The following ERC2 variants were observed in gnomAD, a reference collection of about 807,000 sequenced individuals.
ERC2 encodes the protein ELKS/RAB6-interacting/CAST family member 2.
A neutral mutation model predicts 114.8 loss-of-function variants in ERC2; 42 were observed. The observed-to-expected ratio is 0.37, with a 90% CI of 0.29 to 0.47. The LOEUF is 0.47. Among genes scored for constraint, ERC2 ranks in the 20% least tolerant of loss-of-function variants. The pLI, the probability that ERC2 is intolerant of heterozygous loss-of-function variation, is 0.99. For synonymous variants in ERC2, 454 were observed against 425.5 expected (o/e 1.07, Z -0.82); for missense variants, 939 against 1,150.7 (o/e 0.82, Z 2.66).
At chr3:56,439,017 C>G (rs2062160260) in intron 1 of ERC2, among the ~76,000 whole-genome samples, 1 of 152,166 alleles carries the variant, frequency 6.6e-6, no homozygotes, top group Non-Finnish European at 1.5e-5. Flanking sequence ...TTCTCCTTTT[C>G]TAGGTTTAAT....
chr3:56,024,863 G>C (rs1201403217), intron 7 of ERC2, among the ~76,000 whole-genome samples: 1 of 152,126 alleles, frequency 6.6e-6, no homozygotes, highest in Non-Finnish European at 1.5e-5. Flanking sequence ...TCCAAATATG[G>C]TCCCGGCAAC....
chr3:56,286,481 A>T (rs1465246305), intron 3 of ERC2, among the ~76,000 whole-genome samples: 1 of 151,784 alleles, frequency 6.6e-6, no homozygotes. Context: ...AACCAACCTC[A>T]AAAGCTATAT....
chr3:55,583,518 TCCCTC>T (rs1559693181), intron 17 of ERC2, among the ~76,000 whole-genome samples: 3 of 51,302 alleles, frequency 5.8e-5, no homozygotes, highest in South Asian at 1.5e-3. Flanking sequence ...CCTCCCTCCC[TCCCTC>T]CCTTCCTTCC....
chr3:56,122,957 C>G (rs146667632), intron 6 of ERC2, among the ~76,000 whole-genome samples: 1 of 152,148 alleles, frequency 6.6e-6, no homozygotes, highest in East Asian at 1.9e-4. Flanking sequence ...CTTCATACCG[C>G]AAGTTCAACC....
intron 7 of ERC2, among the ~76,000 whole-genome samples, chr3:56,022,022 G>A (rs188999393): frequency 1.7e-3 from 261 of 152,250 alleles, no homozygotes; most frequent in African/African-American, 5.8e-3. Flanking sequence ...GAACAGTGCT[G>A]CAACGAACAT....
chr3:55,995,848 T>C (rs1424830213), intron 10 of ERC2, among the ~76,000 whole-genome samples: 1 of 152,232 alleles, frequency 6.6e-6, no homozygotes, highest in Non-Finnish European at 1.5e-5. Context: ...GTGGAGGAAA[T>C]TGAGCTTATT....
intron 17 of ERC2, among the ~76,000 whole-genome samples, chr3:55,519,061 G>A (rs927677184): frequency 6.6e-6 from 1 of 152,188 alleles, no homozygotes; most frequent in Non-Finnish European, 1.5e-5. Context: ...TGGAAAGAGG[G>A]GGATGTCCGA....
chr3:55,555,149 C>T (rs931733276), intron 17 of ERC2, among the ~76,000 whole-genome samples: 1 of 152,036 alleles, frequency 6.6e-6, no homozygotes, highest in African/African-American at 2.4e-5. Flanking sequence ...GCTAAAAGGA[C>T]CATAAAGGGC....
At chr3:56,401,679 G>A (rs2060524606) in intron 2 of ERC2, among the ~76,000 whole-genome samples, 1 of 152,124 alleles carries the variant, frequency 6.6e-6, no homozygotes, top group Non-Finnish European at 1.5e-5. Flanking sequence ...TAGCTGCTGG[G>A]CAAAGGTGAT....
chr3:55,983,999 A>G (rs1237231909), intron 12 of ERC2, among the ~76,000 whole-genome samples: 2 of 152,228 alleles, frequency 1.3e-5, no homozygotes, highest in Non-Finnish European at 2.9e-5. Context: ...TTTTGTTTCC[A>G]AGAGGGCAGA....
intron 3 of ERC2, among the ~76,000 whole-genome samples, chr3:56,262,165 T>C (rs1375165120): frequency 6.6e-6 from 1 of 152,226 alleles, no homozygotes; most frequent in Non-Finnish European, 1.5e-5. Flanking sequence ...AATAGTGCTA[T>C]TCTTTGAACT....
chr3:56,123,296 G>A (rs1179075210), intron 6 of ERC2, among the ~76,000 whole-genome samples: 1 of 152,042 alleles, frequency 6.6e-6, no homozygotes, highest in Non-Finnish European at 1.5e-5. Context: ...TCATACTCTT[G>A]CAAAAGAGAC....
chr3:55,684,275 C>T (rs184376957), intron 16 of ERC2, among the ~76,000 whole-genome samples: 189 of 152,116 alleles, frequency 1.2e-3, no homozygotes, highest in Middle Eastern at 3.4e-3. Flanking sequence ...TTCTCTTAAG[C>T]TTAAAGTATC....
At position 55,952,179 on chromosome 3, in the gene ERC2, ACTCTCTCTCT is replaced by A. The variant is rs775838556; in HGVS notation, c.2268-1629_2268-1620del. On this transcript the variant is annotated intron_variant, in intron 12 of 17. Transcript: ENST00000288221. Reference sequence around the variant, plus strand: ...CACACACACACACACACACACACACACTCTCTCTCTCTCTCTCTCTATATATATATATATA... The same window carrying A: ...CACACACACACACACACACACACACACTCTCTCTCTATATATATATATATA... Among the ~76,000 whole-genome samples the A allele has an allele frequency of 7.2e-4, 45 of 62,106 alleles. 3 individuals are homozygous for A. The highest frequency in any genetic ancestry group is 2.1e-3 in the African/African-American group (39 of 18,242). 40.7% of individuals were successfully genotyped at this position (62,106 alleles called of 152,430 possible). A position where few individuals can be genotyped will look rare whatever the true frequency, so the allele number is the denominator to read the frequency against.
chr3:55,732,204 C>T (rs2065292938), intron 15 of ERC2, among the ~76,000 whole-genome samples: 1 of 152,162 alleles, frequency 6.6e-6, no homozygotes, highest in Non-Finnish European at 1.5e-5. Context: ...ACACTGGATA[C>T]AAGACCCAGC....
chr3:55,836,774 A>G (rs2060906550), intron 14 of ERC2, among the ~76,000 whole-genome samples: 1 of 152,198 alleles, frequency 6.6e-6, no homozygotes, highest in Non-Finnish European at 1.5e-5. Flanking sequence ...TAAACTAAAG[A>G]GCTTCTGCAC....
chr3:55,714,693 A>ATGTG (rs1559539200), intron 15 of ERC2, among the ~76,000 whole-genome samples: 9 of 123,596 alleles, frequency 7.3e-5, no homozygotes, highest in African/African-American at 3.0e-4. Context: ...ATATATATAT[A>ATGTG]TATATATATA....
At chr3:55,804,299 C>G (rs1469502138) in intron 14 of ERC2, among the ~76,000 whole-genome samples, 1 of 152,138 alleles carries the variant, frequency 6.6e-6, no homozygotes, top group Non-Finnish European at 1.5e-5. Context: ...TGCATTTACT[C>G]ACAGAGTAAA....
At chr3:56,005,016 A>G (rs1363639997) in intron 10 of ERC2, among the ~76,000 whole-genome samples, 4 of 151,974 alleles carry the variant, frequency 2.6e-5, no homozygotes, top group Non-Finnish European at 5.9e-5. Flanking sequence ...ACTATTTATT[A>G]GCAGAAATTA....
Sources: allele counts gnomAD v4.1 joint callset (sites outside exome capture counted in the v4.1 genomes callset), GRCh38; gene constraint gnomAD v4.1.1; transcripts MANE v1.5; gene names NCBI Gene and HGNC (gene_info 2026-07-23, HGNC 2026-07-21).